The following CMIP variants were observed in gnomAD, a reference collection of about 807,000 sequenced individuals.
CMIP encodes c-Maf inducing protein.
In CMIP, 13 loss-of-function variants were observed where a neutral mutation model predicts 97.3. The ratio of observed to expected loss-of-function variants is 0.13; its 90% CI spans 0.09 to 0.21. The LOEUF is 0.21. Among genes scored for constraint, CMIP ranks in the 10% least tolerant of loss-of-function variants. The pLI is 1.00. For missense variants in CMIP, 847 were observed against 1,024.9 expected (o/e 0.83, Z 2.37); for synonymous variants, 538 against 436.3 (o/e 1.23, Z -2.91).
chr16:81,701,316 G>C (rs917204428), intron 15 of CMIP, among the ~76,000 whole-genome samples: 1 of 152,178 alleles, frequency 6.6e-6, no homozygotes. Context: ...GAACTGGGGA[G>C]AGAGAGGTGT....
chr16:81,511,234 A>C (rs1042131902), intron 1 of CMIP, among the ~76,000 whole-genome samples: 1 of 152,224 alleles, frequency 6.6e-6, no homozygotes. Flanking sequence ...ATCTCTAAAA[A>C]ATAAAGTATC....
intron 1 of CMIP, among the ~76,000 whole-genome samples, chr16:81,504,727 GGTCTGTGCCATTCCACGAGTGGTCCCA>G (rs2089676829): frequency 6.6e-6 from 1 of 151,654 alleles, no homozygotes; most frequent in African/African-American, 2.4e-5. Flanking sequence ...TGTGCTCCAC[GGTCTGTGCCATTCCACGAGTGGTCCCA>G]GTCTGTGCCT....
chr16:81,574,411 G>A (rs1224073840), intron 1 of CMIP, among the ~76,000 whole-genome samples: 2 of 152,248 alleles, frequency 1.3e-5, no homozygotes, highest in Non-Finnish European at 2.9e-5. Flanking sequence ...CTTGGCAAGT[G>A]GCACTGTTTT....
At chr16:81,503,829 G>A (rs548820856) in intron 1 of CMIP, among the ~76,000 whole-genome samples, 4 of 152,352 alleles carry the variant, frequency 2.6e-5, no homozygotes, top group Admixed American at 1.3e-4. Flanking sequence ...ATCCCTGAGC[G>A]GATCACCAGG....
At chr16:81,467,777 C>T (rs573121939) in intron 1 of CMIP, among the ~76,000 whole-genome samples, 14 of 151,508 alleles carry the variant, frequency 9.2e-5, no homozygotes, top group East Asian at 3.9e-4. Context: ...AATGGGGTTT[C>T]GCCATCTTGC....
intron 1 of CMIP, among the ~76,000 whole-genome samples, chr16:81,497,954 G>C (rs1456688390): frequency 6.6e-6 from 1 of 152,260 alleles, no homozygotes; most frequent in Non-Finnish European, 1.5e-5. Flanking sequence ...CCGACTCTCC[G>C]GTGCTTCCCT....
chr16:81,630,212 T>A (rs959241562), intron 3 of CMIP: 7 of 152,226 alleles, frequency 4.6e-5, no homozygotes, highest in African/African-American at 1.7e-4. Context: ...ACCTGCCATG[T>A]GGTACCCACT....
intron 1 of CMIP, among the ~76,000 whole-genome samples, chr16:81,448,309 C>G (rs1905990721): frequency 6.6e-6 from 1 of 152,212 alleles, no homozygotes; most frequent in Non-Finnish European, 1.5e-5. Context: ...AATAAACAAG[C>G]CAAATACTCT....
At chr16:81,625,055 G>C (rs908512794) in intron 3 of CMIP, among the ~76,000 whole-genome samples, 1 of 152,218 alleles carries the variant, frequency 6.6e-6, no homozygotes, top group Non-Finnish European at 1.5e-5. Context: ...GAGAGGATAA[G>C]TCAGTCGCAC....
At chr16:81,567,611 G>A (rs1300471612) in intron 1 of CMIP, among the ~76,000 whole-genome samples, 1 of 152,204 alleles carries the variant, frequency 6.6e-6, no homozygotes, top group African/African-American at 2.4e-5. Context: ...GGAAGTGTCG[G>A]CCCCTTGCGT....
At chr16:81,551,112 T>C (rs1363268019) in intron 1 of CMIP, among the ~76,000 whole-genome samples, 201 of 37,438 alleles carry the variant, frequency 5.4e-3, no homozygotes, top group Middle Eastern at 0.025. Context: ...ATCACATATA[T>C]CCCAGTTCCA....
intron 1 of CMIP, among the ~76,000 whole-genome samples, chr16:81,601,497 A>G (rs556830398): frequency 6.6e-6 from 1 of 152,200 alleles, no homozygotes; most frequent in East Asian, 1.9e-4. Context: ...GCCAGTTCTG[A>G]AGATCTCTGG....
intron 9 of CMIP, among the ~76,000 whole-genome samples, chr16:81,677,042 C>T (rs1309034633): frequency 6.6e-6 from 1 of 152,210 alleles, no homozygotes; most frequent in African/African-American, 2.4e-5. Flanking sequence ...CAGGTCGCAT[C>T]CTGGAGATTC....
At chr16:81,489,339 C>T (rs1217882485) in intron 1 of CMIP, among the ~76,000 whole-genome samples, 1 of 152,166 alleles carries the variant, frequency 6.6e-6, no homozygotes, top group African/African-American at 2.4e-5. Flanking sequence ...TGCTTGTTCC[C>T]CACAGAGGGG....
At chr16:81,640,026 G>A (rs1320668924) in intron 3 of CMIP, among the ~76,000 whole-genome samples, 6 of 152,116 alleles carry the variant, frequency 3.9e-5, no homozygotes, top group Non-Finnish European at 8.8e-5. Flanking sequence ...CCTCCCCCAT[G>A]GCTCCTCTTT....
chr16:81,597,231 C>A (rs187655054), intron 1 of CMIP, among the ~76,000 whole-genome samples: 4 of 152,176 alleles, frequency 2.6e-5, no homozygotes, highest in African/African-American at 9.7e-5. Context: ...CACAGTTTAA[C>A]TCCCTCCAGC....
At chr16:81,543,718 C>A (rs555058703) in intron 1 of CMIP, among the ~76,000 whole-genome samples, 142 of 152,284 alleles carry the variant, frequency 9.3e-4, no homozygotes, top group African/African-American at 3.3e-3. Context: ...TCAGGCCTAA[C>A]AAAGGATGGG....
intron 1 of CMIP, among the ~76,000 whole-genome samples, chr16:81,560,016 T>G (rs1403081762): frequency 6.6e-6 from 1 of 151,612 alleles, no homozygotes; most frequent in East Asian, 2.0e-4. Flanking sequence ...GGCATAGTGG[T>G]GTGCACCTGT....
chr16:81,499,577 CT>C (rs1286271288), intron 1 of CMIP, among the ~76,000 whole-genome samples: 4 of 152,374 alleles, frequency 2.6e-5, no homozygotes, highest in Non-Finnish European at 5.9e-5. Context: ...TGTCATCCAT[CT>C]TCTGGGCTGG....
Sources: gnomAD v4.1 joint callset for allele counts (sites outside exome capture counted in the v4.1 genomes callset) on GRCh38, gnomAD v4.1.1 for gene constraint, MANE v1.5 for transcripts, NCBI Gene and HGNC (gene_info 2026-07-23, HGNC 2026-07-21) for gene names.